UTRN: variants seen among roughly 807,000 people sequenced by gnomAD.
The protein encoded by UTRN is dystrophin-related protein 1.
A neutral mutation model predicts 463.9 loss-of-function variants in UTRN; 283 were observed. The observed-to-expected ratio is 0.61, with a 90% CI of 0.55 to 0.67. The LOEUF is 0.67. Among genes scored for constraint, UTRN ranks in the 30% least tolerant of loss-of-function variants. UTRN has a pLI of 0.00. For missense variants in UTRN, 3,922 were observed against 4,084.3 expected (o/e 0.96, Z 1.08); for synonymous variants, 1,442 against 1,431.5 (o/e 1.01, Z -0.17).
chr6:144,403,353 G>A (rs1783095524), intron 3 of UTRN, among the ~76,000 whole-genome samples, 169 bp downstream of exon 3: 1 of 152,022 alleles, frequency 6.6e-6, no homozygotes, highest in Admixed American at 6.6e-5. Flanking sequence ...ATGTTTAAAC[G>A]GAAATTCTCA....
intron 18 of UTRN, 64 bp downstream of exon 18, chr6:144,451,557 T>G: frequency 6.6e-7 from 1 of 1,518,202 alleles, no homozygotes; most frequent in Non-Finnish European, 8.8e-7. Context: ...GATTTTCTGC[T>G]GGCATAAAGA....
chr6:144,505,921 A>G (rs1319046061), intron 34 of UTRN, among the ~76,000 whole-genome samples: 2 of 152,184 alleles, frequency 1.3e-5, no homozygotes, highest in Non-Finnish European at 1.5e-5. Flanking sequence ...AACTTGCTTT[A>G]TGAATCTGGG....
At chr6:144,330,290 G>A (rs1776246254) in intron 2 of UTRN, among the ~76,000 whole-genome samples, 2 of 152,176 alleles carry the variant, frequency 1.3e-5, no homozygotes, top group African/African-American at 4.8e-5. Context: ...TTGGCAGAAA[G>A]ATGCAGTCTG....
At chr6:144,730,223 T>G (rs1343288646) in intron 53 of UTRN, 134 bp from the exon 54 acceptor site, 1 of 1,034,772 alleles carries the variant, frequency 9.7e-7, no homozygotes, top group Non-Finnish European at 1.3e-6. Flanking sequence ...ACATTTTGGC[T>G]TCTAACTTAG....
intron 2 of UTRN, among the ~76,000 whole-genome samples, chr6:144,362,618 A>C (rs1193228606): frequency 1.3e-5 from 2 of 152,184 alleles, no homozygotes; most frequent in Non-Finnish European, 1.5e-5. Flanking sequence ...TTCATTGTTG[A>C]ACACAGACTT....
At chr6:144,341,118 G>A (rs529961168) in intron 2 of UTRN, among the ~76,000 whole-genome samples, 7 of 152,230 alleles carry the variant, frequency 4.6e-5, no homozygotes, top group South Asian at 4.1e-4. Context: ...AAAGTTCAAC[G>A]GTCAATTTCA....
chr6:144,700,382 C>T, intron 53 of UTRN, 139 bp downstream of exon 53: 1 of 993,722 alleles, frequency 1.0e-6, no homozygotes, highest in Non-Finnish European at 1.4e-6. Context: ...TTTTAGTTGC[C>T]AGTAGACATT....
rs11155369 is a variant in UTRN, at chr6:144,678,662, G to C, written c.7652+84G>C. The C allele has an allele frequency of 0.16, 201,823 of 1,262,918 alleles. 17,680 individuals carry two copies. The highest frequency in any genetic ancestry group is 0.27 in the South Asian group (15,842 of 59,144). 78.2% of individuals were successfully genotyped at this position (1,262,918 alleles called of 1,614,324 possible). A position where few individuals can be genotyped will look rare whatever the true frequency, so the allele number is the denominator to read the frequency against. Reference sequence around the variant, plus strand: ...TTTTTGTATATCAGAAAGAGAAAGCGCAGCCTTACCACCACTTCTATTTCA... The same window carrying C: ...TTTTTGTATATCAGAAAGAGAAAGCCCAGCCTTACCACCACTTCTATTTCA... On this transcript the variant is annotated intron_variant, in intron 52 of 74. Coordinates refer to ENST00000367545, the MANE Select transcript of UTRN (RefSeq NM_007124.3).
chr6:144,807,428 A>G lies in UTRN; in HGVS notation c.9357+4281A>G, dbSNP rs375512582. Among the ~76,000 whole-genome samples, 10 of 152,226 alleles carry G rather than the reference A, an allele frequency of 6.6e-5. No homozygotes were observed. In the East Asian group the frequency reaches 1.9e-3, roughly 29 times the overall value. On this transcript the variant is annotated intron_variant, in intron 65 of 74. Transcript: ENST00000367545. ...ATATATAAATTATCTGAAGAAATGT[A>G]GCAGAATTTTTATTTCTCTAGGAAA... is the stretch of plus-strand genomic sequence containing the variant.
At chr6:144,498,953 A>G (rs1793926723) in intron 33 of UTRN, among the ~76,000 whole-genome samples, 1 of 152,288 alleles carries the variant, frequency 6.6e-6, no homozygotes, top group Middle Eastern at 3.4e-3. Flanking sequence ...GATTATAGAC[A>G]TGAGCCACTG....
At position 144,757,915 on chromosome 6, in the gene UTRN, C is replaced by T. The variant is rs765217345; in HGVS notation, c.8435-14C>T. On this transcript the variant is annotated splice_polypyrimidine_tract_variant and intron_variant, in intron 57 of 74. Coordinates refer to ENST00000367545, the MANE Select transcript of UTRN (RefSeq NM_007124.3). ...GTTTCCAACGTTTCCAATAATCTCC[C>T]TTTGTTTCCTCAGCGTCAGTCCAGC... 1 of 1,605,230 alleles carries T rather than the reference C, an allele frequency of 6.2e-7. No individual in the cohort carries two copies. The highest frequency in any genetic ancestry group is 1.3e-5 in the African/African-American group (1 of 74,584).
intron 52 of UTRN, among the ~76,000 whole-genome samples, chr6:144,680,914 A>G (rs143753329): frequency 1.3e-4 from 20 of 152,322 alleles, no homozygotes; most frequent in African/African-American, 4.6e-4. Context: ...ACAAAAAGAC[A>G]GAGGTGTAAG....
At chr6:144,405,246 T>C (rs769478174) in intron 3 of UTRN, among the ~76,000 whole-genome samples, 11 of 152,226 alleles carry the variant, frequency 7.2e-5, no homozygotes, top group Non-Finnish European at 1.3e-4. Context: ...TGAGAAATTA[T>C]GAATATTTGG....
At chr6:144,638,234 A>G (rs189653433) in intron 51 of UTRN, among the ~76,000 whole-genome samples, 101 of 152,356 alleles carry the variant, frequency 6.6e-4, no homozygotes, top group African/African-American at 2.4e-3. Context: ...TTTGAAGTAC[A>G]GGGGACTTTT....
chr6:144,847,487 G>A (rs1456525023), intron 74 of UTRN, among the ~76,000 whole-genome samples: 1 of 152,158 alleles, frequency 6.6e-6, no homozygotes, highest in African/African-American at 2.4e-5. Flanking sequence ...GCAGGAGGGG[G>A]TGGAGGAACA....
chr6:144,668,230 G>A (rs1246607642), intron 51 of UTRN, among the ~76,000 whole-genome samples: 1 of 152,132 alleles, frequency 6.6e-6, no homozygotes, highest in Non-Finnish European at 1.5e-5. Context: ...CATGCTGATT[G>A]GAGTAGTGAG....
intron 51 of UTRN, among the ~76,000 whole-genome samples, chr6:144,632,277 A>C (rs1375317980): frequency 6.6e-6 from 1 of 152,182 alleles, no homozygotes; most frequent in Non-Finnish European, 1.5e-5. Flanking sequence ...AATTGTATCC[A>C]AGTGTTAAAA....
chr6:144,682,028 A>G (rs1188932957), intron 52 of UTRN, among the ~76,000 whole-genome samples: 3 of 152,184 alleles, frequency 2.0e-5, no homozygotes, highest in Admixed American at 1.3e-4. Flanking sequence ...ATGTACAACT[A>G]AGTTATTATT....
chr6:144,561,682 G>A (rs957507693), intron 50 of UTRN, among the ~76,000 whole-genome samples: 2 of 152,064 alleles, frequency 1.3e-5, no homozygotes, highest in African/African-American at 4.8e-5. Context: ...CTAACCTATA[G>A]GAAGTTATTT....
Sources: gnomAD v4.1 joint callset for allele counts (sites outside exome capture counted in the v4.1 genomes callset) on GRCh38, gnomAD v4.1.1 for gene constraint, MANE v1.5 for transcripts, NCBI Gene and HGNC (gene_info 2026-07-23, HGNC 2026-07-21) for gene names.